The following TGIF1 variants were observed in gnomAD, a reference collection of about 807,000 sequenced individuals.
TGIF1 encodes homeobox protein TGIF1.
A neutral mutation model predicts 19.3 loss-of-function variants in TGIF1; 4 were observed. The observed-to-expected ratio is 0.21, with a 90% CI of 0.10 to 0.47. TGIF1 has a LOEUF of 0.47. Among genes scored for constraint, TGIF1 ranks in the 20% least tolerant of loss-of-function variants. TGIF1 has a pLI of 0.98. For synonymous variants in TGIF1, 122 were observed against 129.3 expected, an observed-to-expected ratio of 0.94 and a Z score of 0.38; for missense variants, 275 against 341.4, an observed-to-expected ratio of 0.81 and a Z score of 1.53.
At position 3,456,590 on chromosome 18, in the gene TGIF1, G is replaced by C. The variant is rs2049363593; in HGVS notation, c.243+10G>C. 2 of 1,612,938 alleles carry C rather than the reference G, an allele frequency of 1.2e-6. No homozygotes were observed. The highest frequency in any genetic ancestry group is 1.7e-5 in the Admixed American group (1 of 60,008). On this transcript the variant is annotated intron_variant, in intron 2 of 2. Coordinates refer to ENST00000343820, the MANE Select transcript of TGIF1 (RefSeq NM_003244.4). This position sits in a 1 kb window ranked among gnomAD's most constrained non-coding sequence, Gnocchi z 4.2. ...CCTGTCTACGCTACAGGTAAAGAAA[G>C]AGAGCGTGAGGTTTATGGATGCATT...
In TGIF1 at chr18:3,423,679, A is replaced by G. The variant is rs538312112; in HGVS notation, c.-45+5464A>G. Among the ~76,000 whole-genome samples the G allele has an allele frequency of 2.1e-4, 32 of 151,694 alleles. No individual in the cohort carries two copies. In the South Asian group the frequency reaches 5.6e-3, roughly 27 times the overall value. The stretch of plus-strand genomic sequence containing the variant: ...GCCTGCACAACAGAGCGAGACTCCC[A>G]TCTCAAAAAAAAAAGAGTTTTAAAA... On this transcript the variant is annotated intron_variant, in intron 2 of 3. Coordinates refer to the TGIF1 transcript ENST00000401449.
chr18:3,457,814 T>C lies in TGIF1; in HGVS notation c.693T>C (p.Gly231=), dbSNP rs1245530325. 1.2e-6 allele frequency: 2 copies of C among 1,613,342 alleles called. No individual in the cohort carries two copies. Among genetic ancestry groups the C allele is most frequent in the African/African-American group, 2.7e-5 (2 of 74,894 alleles). The part of the protein sequence containing the change: ...KSGPSTNTQS[G]LFNTPPPTPP... Reference sequence around the variant, plus strand: ...GACCAAGTACGAATACACAGAGTGGTCTTTTCAACACTCCTCCCCCTACTC... The same window carrying C: ...GACCAAGTACGAATACACAGAGTGGCCTTTTCAACACTCCTCCCCCTACTC... The change falls in exon 3 of 3, where the codon GGT becomes GGC. Residue 231 remains glycine (G), a synonymous_variant. Coordinates refer to ENST00000343820, the MANE Select transcript of TGIF1 (RefSeq NM_003244.4). This position sits in a 1 kb window ranked among gnomAD's most constrained non-coding sequence, Gnocchi z 4.9.
chr18:3,449,608 G>T (rs917727278), upstream of TGIF1: 1 of 984,626 alleles, frequency 1.0e-6, no homozygotes, highest in Admixed American at 6.2e-5. Context: ...GGAGAAGGGT[G>T]CGCCGCGCCG....
At chr18:3,429,150 G>T (rs1035754988) in intron 2 of TGIF1, among the ~76,000 whole-genome samples, 1 of 152,144 alleles carries the variant, frequency 6.6e-6, no homozygotes, top group Non-Finnish European at 1.5e-5. Context: ...TCAAACTTCT[G>T]GGCTCAATCA....
chr18:3,421,406 A>AAT (rs940531829), intron 2 of TGIF1, among the ~76,000 whole-genome samples: 2 of 147,108 alleles, frequency 1.4e-5, no homozygotes, highest in African/African-American at 5.0e-5. Flanking sequence ...TAGTATATAA[A>AAT]ATATATATAT....
At chr18:3,449,441 G>T (rs529051723), upstream of TGIF1, 11 of 985,358 alleles carry the variant, frequency 1.1e-5, no homozygotes, top group Non-Finnish European at 1.3e-5. Context: ...GTGTCTGTCC[G>T]CAACGTGTCA....
chr18:3,423,699 T>C (rs2082435985), intron 2 of TGIF1, among the ~76,000 whole-genome samples: 1 of 151,184 alleles, frequency 6.6e-6, no homozygotes, highest in South Asian at 2.1e-4. Flanking sequence ...AAAAAGAGTT[T>C]TAAAAATTAG....
At chr18:3,450,097 G>GGGGCGGGAGGGGGACGGGGC (rs1274676233), upstream of TGIF1, 1 of 1,052,674 alleles carries the variant, frequency 9.5e-7, no homozygotes, top group African/African-American at 1.7e-5. Context: ...GAGGAGCGGC[G>GGGGCGGGAGGGGGACGGGGC]GGGCGGGAGG....
At chr18:3,428,272 T>C (rs923500162) in intron 2 of TGIF1, among the ~76,000 whole-genome samples, 1 of 152,154 alleles carries the variant, frequency 6.6e-6, no homozygotes, top group African/African-American at 2.4e-5. Context: ...CTTTTTACTA[T>C]TCTGTGTGAC....
Position 3,442,911 on chromosome 18 carries a change from G to A in TGIF1, c.-44-13443G>A, listed in dbSNP as rs552158683. ...AGGAAATTGATTGATAATATTCAGC[G>A]TTAGTGAGGGCACAAAGAAAGAGAT... On this transcript the variant is annotated intron_variant, in intron 2 of 3. Transcript: ENST00000401449. Among the ~76,000 whole-genome samples, 54 of 152,286 alleles carry A rather than the reference G, an allele frequency of 3.5e-4. No individual in the cohort carries two copies. The South Asian group carries it at 7.7e-3, about 22-fold the overall frequency.
intron 2 of TGIF1, among the ~76,000 whole-genome samples, chr18:3,430,104 T>A (rs2082527968): frequency 6.6e-6 from 1 of 152,200 alleles, no homozygotes; most frequent in Admixed American, 6.6e-5. Context: ...TGCAGTGAGC[T>A]GAGATCGCAA....
At chr18:3,444,632 TTTG>T (rs764330101) in intron 2 of TGIF1, among the ~76,000 whole-genome samples, 58 of 152,220 alleles carry the variant, frequency 3.8e-4, no homozygotes, top group East Asian at 1.9e-4. Flanking sequence ...GTTTTTGTTT[TTTG>T]TTGTTGTTGT....
chr18:3,452,418 A>C (rs1297958822), intron 1 of TGIF1: 2 of 1,612,746 alleles, frequency 1.2e-6, no homozygotes, highest in African/African-American at 1.3e-5. Context: ...CGACTGGTTC[A>C]GGGCTCTTTG....
chr18:3,452,056 A>T, intron 1 of TGIF1: 1 of 1,613,566 alleles, frequency 6.2e-7, no homozygotes, highest in Non-Finnish European at 8.5e-7. Flanking sequence ...GGCGGCTCTG[A>T]TTCCTTTCCA....
At chr18:3,412,476 C>T (rs1233660251) in intron 1 of TGIF1, among the ~76,000 whole-genome samples, 1 of 152,202 alleles carries the variant, frequency 6.6e-6, no homozygotes, top group Non-Finnish European at 1.5e-5. Flanking sequence ...TTAAATCTAG[C>T]CTTTCCCCTG....
rs117742008 is a variant in TGIF1, at chr18:3,430,416, T to C, written c.-45+12201T>C. ...ATAAAAATGTGAAATGTTACTTATA[T>C]TAACGTGTCATGAATTTATATTATT... On this transcript the variant is annotated intron_variant, in intron 2 of 3. Coordinates refer to the TGIF1 transcript ENST00000401449. 3.9e-5 allele frequency among the ~76,000 whole-genome samples: 6 copies of C among 152,354 alleles called. No homozygotes were observed. The East Asian group carries it at 9.6e-4, about 24-fold the overall frequency.
At chr18:3,445,369 G>A (rs1461099510), upstream of TGIF1, among the ~76,000 whole-genome samples, 1 of 152,096 alleles carries the variant, frequency 6.6e-6, no homozygotes, top group Admixed American at 6.5e-5. Flanking sequence ...TACCAGGTCG[G>A]CCATGTCTCA....
In TGIF1 at chr18:3,456,806, C is replaced by G. The variant is rs921511159; in HGVS notation, c.243+226C>G. Reference sequence around the variant, plus strand: ...GCATTTCCTTTAATGCCTAAAAGAACCTTCCTTTATGCAACAGACATTAAA... The same window carrying G: ...GCATTTCCTTTAATGCCTAAAAGAAGCTTCCTTTATGCAACAGACATTAAA... On this transcript the variant is annotated intron_variant, in intron 2 of 2. Transcript: ENST00000343820. This position sits in a 1 kb window ranked among gnomAD's most constrained non-coding sequence, Gnocchi z 4.2. 3.1e-6 allele frequency: 2 copies of G among 649,548 alleles called. No individual in the cohort carries two copies. Among genetic ancestry groups the G allele is most frequent in the African/African-American group, 1.8e-5 (1 of 55,084 alleles). The allele number at this position is 649,548 out of a possible 1,614,324, so 40.2% of individuals were successfully genotyped here. A position where few individuals can be genotyped will look rare whatever the true frequency, so the allele number is the denominator to read the frequency against.
intron 2 of TGIF1, among the ~76,000 whole-genome samples, chr18:3,442,286 T>TC (rs397775431): frequency 1.4e-4 from 4 of 27,696 alleles, no homozygotes; most frequent in Non-Finnish European, 5.1e-4. Flanking sequence ...TGGGAAGAAG[T>TC]AACTGTGATA....
Sources: gnomAD v4.1 joint callset for allele counts (sites outside exome capture counted in the v4.1 genomes callset) on GRCh38, gnomAD v4.1.1 for gene constraint, Gnocchi (gnomAD v3.1) non-coding constraint, MANE v1.5 for transcripts, NCBI Gene and HGNC (gene_info 2026-07-23, HGNC 2026-07-21) for gene names.